CCDC126: variants seen among roughly 807,000 people sequenced by gnomAD.
CCDC126 encodes the protein coiled-coil domain containing 126.
A neutral mutation model predicts 11.7 loss-of-function variants in CCDC126; 5 were observed. That is an observed-to-expected ratio of 0.43 (90% confidence interval 0.22 to 0.90). The LOEUF is 0.90. Ranked by LOEUF, CCDC126 falls within the 40% of genes least tolerant of loss-of-function variation. The probability of loss-of-function intolerance (pLI) is 0.27; values close to 1 mark genes in which losing one functional copy is unlikely to be tolerated. For synonymous variants in CCDC126, 60 were observed against 61.9 expected (o/e 0.97, Z 0.14); for missense variants, 150 against 163.1 (o/e 0.92, Z 0.44).
At chr7:23,636,074 C>A (rs1485883631) in intron 3 of CCDC126, among the ~76,000 whole-genome samples, 1 of 151,834 alleles carries the variant, frequency 6.6e-6, no homozygotes, top group Non-Finnish European at 1.5e-5. Context: ...CTGTGTTGGC[C>A]GGGCTGGTCT....
At chr7:23,630,824 C>G in intron 3 of CCDC126, among the ~76,000 whole-genome samples, 1 of 144,976 alleles carries the variant, frequency 6.9e-6, no homozygotes, top group African/African-American at 2.5e-5. Flanking sequence ...GAATTGAAAT[C>G]ATTCTGAGTA....
chr7:23,621,238 A>G (rs1373701800), intron 3 of CCDC126, among the ~76,000 whole-genome samples: 2 of 152,074 alleles, frequency 1.3e-5, no homozygotes, highest in African/African-American at 4.8e-5. Context: ...ATTTGTTTGT[A>G]TCCTCTTTTA....
chr7:23,640,104 A>G (rs1290229379), intron 3 of CCDC126, among the ~76,000 whole-genome samples: 1 of 151,886 alleles, frequency 6.6e-6, no homozygotes, highest in Non-Finnish European at 1.5e-5. Flanking sequence ...AATCGCTTGA[A>G]CCTGGGAGGT....
intron 3 of CCDC126, 140 bp from the exon 4 acceptor site, chr7:23,642,791 A>T: frequency 1.6e-6 from 1 of 619,290 alleles, no homozygotes; most frequent in Non-Finnish European, 2.7e-6. Flanking sequence ...GGCTTTTCCT[A>T]TTTGTAGTAT....
At chr7:23,604,992 C>T (rs1186478482) in intron 2 of CCDC126, among the ~76,000 whole-genome samples, 6 of 133,342 alleles carry the variant, frequency 4.5e-5, no homozygotes, top group Non-Finnish European at 7.9e-5. Flanking sequence ...AGCAAGACTT[C>T]GTCTCAAAAA....
At chr7:23,606,006 G>T (rs1422436457) in intron 2 of CCDC126, among the ~76,000 whole-genome samples, 1 of 151,948 alleles carries the variant, frequency 6.6e-6, no homozygotes, top group African/African-American at 2.4e-5. Context: ...GTGTGTGTGT[G>T]TGATAACTAT....
In CCDC126 at chr7:23,643,150, G is replaced by T. The variant is rs1270420705; in HGVS notation, c.*35G>T. On this transcript the variant is annotated 3_prime_UTR_variant, in exon 4 of 4. Transcript: ENST00000307471. ...ATCACCTTGTGCTGCTCCATCCACT[G>T]TGGATTATATCCTATGGCAGAAAAG... The T allele has an allele frequency of 6.3e-7, 1 of 1,580,204 alleles. No homozygotes were observed. The highest frequency in any genetic ancestry group is 8.7e-7 in the Non-Finnish European group (1 of 1,155,224).
intron 3 of CCDC126, among the ~76,000 whole-genome samples, chr7:23,618,445 G>C (rs1039029722): frequency 6.6e-6 from 1 of 152,062 alleles, no homozygotes; most frequent in African/African-American, 2.4e-5. Context: ...GTGGTCCCAG[G>C]GGCCTACCAT....
intron 3 of CCDC126, chr7:23,622,865 A>AG: frequency 2.5e-6 from 1 of 394,072 alleles, no homozygotes; most frequent in South Asian, 2.1e-5. Flanking sequence ...TCTGCAACCA[A>AG]TGTTCTCTTG....
At chr7:23,612,806 C>G (rs79005542) in intron 3 of CCDC126, among the ~76,000 whole-genome samples, 1 of 152,306 alleles carries the variant, frequency 6.6e-6, no homozygotes, top group African/African-American at 2.4e-5. Context: ...TCCTAAGAAG[C>G]AGGTTTTGCC....
At chr7:23,607,338 C>CTTAT (rs1782639818) in intron 2 of CCDC126, among the ~76,000 whole-genome samples, 1 of 152,138 alleles carries the variant, frequency 6.6e-6, no homozygotes, top group Admixed American at 6.5e-5. Flanking sequence ...TGACTCTGTC[C>CTTAT]TTATCTAAGT....
chr7:23,640,055 T>G (rs137978303), intron 3 of CCDC126, among the ~76,000 whole-genome samples: 14,353 of 151,764 alleles, frequency 0.095, 815 homozygotes, highest in East Asian at 0.16. Flanking sequence ...TGGTGGTGCA[T>G]GCTTGTAATC....
chr7:23,643,464 A>AT lies in CCDC126; in HGVS notation c.*352dup. ...ATGGATTCATTTCTATAACACATTT[A>AT]TTTAAGTATATAACACGTTTTTTGG... is the stretch of plus-strand genomic sequence containing the variant. On this transcript the variant is annotated 3_prime_UTR_variant, in exon 4 of 4. Transcript: ENST00000307471. 5.6e-6 allele frequency: 1 copy of AT among 179,756 alleles called. No individual in the cohort carries two copies. The highest frequency in any genetic ancestry group is 2.5e-3 in the Middle Eastern group (1 of 400). The allele number at this position is 179,756 out of a possible 1,614,324, so 11.1% of individuals were successfully genotyped here. A position where few individuals can be genotyped will look rare whatever the true frequency, so the allele number is the denominator to read the frequency against.
chr7:23,628,125 A>T (rs574552538), intron 3 of CCDC126, among the ~76,000 whole-genome samples: 21 of 152,318 alleles, frequency 1.4e-4, no homozygotes, highest in African/African-American at 5.1e-4. Context: ...GTTTGAAGAA[A>T]ACCAGTTTTA....
intron 3 of CCDC126, among the ~76,000 whole-genome samples, chr7:23,623,855 T>C (rs576413851): frequency 6.6e-6 from 1 of 152,360 alleles, no homozygotes; most frequent in African/African-American, 2.4e-5. Context: ...TATACAATTA[T>C]AAATTGTCGC....
chr7:23,600,080 A>G (rs1782509409), intron 2 of CCDC126, among the ~76,000 whole-genome samples: 1 of 152,196 alleles, frequency 6.6e-6, no homozygotes, highest in South Asian at 2.1e-4. Flanking sequence ...CCACCACGCC[A>G]GGCCATATTT....
intron 3 of CCDC126, among the ~76,000 whole-genome samples, chr7:23,634,401 G>C (rs553229397): frequency 6.6e-6 from 1 of 152,358 alleles, no homozygotes; most frequent in African/African-American, 2.4e-5. Context: ...GCTGCAGTGA[G>C]CCATGATTGT....
At position 23,611,292 on chromosome 7, in the gene CCDC126, G is replaced by A; in HGVS notation, c.-24G>A. 1.4e-6 allele frequency: 2 copies of A among 1,460,502 alleles called. No homozygotes were observed. The highest frequency in any genetic ancestry group is 1.9e-6 in the Non-Finnish European group (2 of 1,043,060). The allele number at this position is 1,460,502 out of a possible 1,614,324, so 90.5% of individuals were successfully genotyped here. A position where few individuals can be genotyped will look rare whatever the true frequency, so the allele number is the denominator to read the frequency against. On this transcript the variant is annotated 5_prime_UTR_variant, in exon 3 of 4. Coordinates refer to ENST00000307471, the MANE Select transcript of CCDC126 (RefSeq NM_138771.4). ...CCTCAAGTTACCATTTTTCAGTCAA[G>A]TCTGTTTGTTTGCTTCTTCAGAAAT...
At chr7:23,623,372 G>A (rs1448429141) in intron 3 of CCDC126, among the ~76,000 whole-genome samples, 1 of 151,988 alleles carries the variant, frequency 6.6e-6, no homozygotes, top group Non-Finnish European at 1.5e-5. Context: ...CGAGGTGGGC[G>A]GATCACCTGA....
Sources: allele counts gnomAD v4.1 joint callset (sites outside exome capture counted in the v4.1 genomes callset), GRCh38; gene constraint gnomAD v4.1.1; transcripts MANE v1.5; gene names NCBI Gene and HGNC (gene_info 2026-07-23, HGNC 2026-07-21).